The following ARMC3 variants were observed in gnomAD, a reference collection of about 807,000 sequenced individuals.
ARMC3 encodes armadillo repeat containing 3, also known as armadillo repeat-containing protein 3.
In ARMC3, 74 loss-of-function variants were observed where a neutral mutation model predicts 90.3. That is an observed-to-expected ratio of 0.82 (90% confidence interval 0.68 to 0.99). ARMC3 has a LOEUF of 0.99. Ranked by LOEUF, ARMC3 falls within the 50% of genes least tolerant of loss-of-function variation. The probability of loss-of-function intolerance (pLI) is 0.00; values close to 1 mark genes in which losing one functional copy is unlikely to be tolerated. For missense variants in ARMC3, 958 were observed against 1,042.8 expected, an observed-to-expected ratio of 0.92 and a Z score of 1.12; for synonymous variants, 334 against 361.8, an observed-to-expected ratio of 0.92 and a Z score of 0.87.
intron 6 of ARMC3, chr10:22,959,983 A>G (rs1338719880): frequency 5.5e-6 from 2 of 365,298 alleles, no homozygotes; most frequent in Non-Finnish European, 1.1e-5. Flanking sequence ...ATTTGTTGCT[A>G]AAAATCTAGT....
rs544164964 is a variant in ARMC3 at position 22,982,695 on chromosome 10, T to G, written c.1175+995T>G. On this transcript the variant is annotated intron_variant, in intron 10 of 18. Coordinates refer to ENST00000298032, the MANE Select transcript of ARMC3 (RefSeq NM_173081.5). ...ACAGTAAGAATTTATTGAAGGCAGC[T>G]TCCATAAATAAAATAATTATTTGCC... 3.9e-5 allele frequency among the ~76,000 whole-genome samples: 6 copies of G among 152,336 alleles called. No individual in the cohort carries two copies. In the South Asian group the frequency reaches 1.2e-3, roughly 32 times the overall value.
intron 16 of ARMC3, among the ~76,000 whole-genome samples, chr10:23,027,602 T>C (rs1276423859): frequency 6.6e-6 from 1 of 152,198 alleles, no homozygotes; most frequent in Non-Finnish European, 1.5e-5. Context: ...GAGTTTGATT[T>C]TGATGTATCT....
rs150310367 is a variant in ARMC3 at position 22,959,528 on chromosome 10, C to G, written c.491C>G (p.Pro164Arg). ...PLIRLLSSPDPDVKKNSMECI... is the reference protein window; with the variant it reads ...PLIRLLSSPDRDVKKNSMECI... ...ATCAGACTACTGAGTAGCCCTGACC[C>G]GGATGTAAAGAAGAACTCTATGGAA... The change falls in exon 6 of 19, where the codon CCG (proline) becomes CGG (arginine). Residue 164 changes from proline (P) to arginine (R), a missense_variant. Transcript: ENST00000298032. 1 of 1,611,018 alleles carries G rather than the reference C, an allele frequency of 6.2e-7. No homozygotes were observed. The highest frequency in any genetic ancestry group is 1.7e-5 in the Admixed American group (1 of 59,078).
chr10:23,000,430 C>CT (rs1302774747), intron 11 of ARMC3, among the ~76,000 whole-genome samples: 1 of 152,064 alleles, frequency 6.6e-6, no homozygotes, highest in African/African-American at 2.4e-5. Flanking sequence ...CCTTGTCTTC[C>CT]TTTTTTGAAT....
intron 11 of ARMC3, among the ~76,000 whole-genome samples, chr10:22,999,476 A>T (rs942312596): frequency 6.6e-6 from 1 of 152,204 alleles, no homozygotes; most frequent in Admixed American, 6.5e-5. Flanking sequence ...TCACATTTTC[A>T]TGTCACCATG....
chr10:22,989,030 A>C (rs1306568144), intron 10 of ARMC3, among the ~76,000 whole-genome samples: 2 of 152,208 alleles, frequency 1.3e-5, no homozygotes, highest in African/African-American at 4.8e-5. Flanking sequence ...CCATTTTCTA[A>C]CAATGCAAGG....
At chr10:22,955,067 T>G (rs1834874823) in intron 3 of ARMC3, 1 of 152,092 alleles carries the variant, frequency 6.6e-6, no homozygotes, top group African/African-American at 2.4e-5. Context: ...AGAGAGAGGA[T>G]TTTTCCTTTT....
chr10:22,956,346 ATAAATT>A (rs1588840045), intron 4 of ARMC3, among the ~76,000 whole-genome samples: 1 of 152,194 alleles, frequency 6.6e-6, no homozygotes, highest in East Asian at 1.9e-4. Context: ...TTTGCAAAAG[ATAAATT>A]TAAATGTGCG....
intron 13 of ARMC3, among the ~76,000 whole-genome samples, chr10:23,004,296 G>A (rs1179234279): frequency 1.3e-5 from 2 of 152,080 alleles, no homozygotes; most frequent in African/African-American, 4.8e-5. Flanking sequence ...TGAGGAGAAT[G>A]GGGAAAATGT....
intron 4 of ARMC3, among the ~76,000 whole-genome samples, chr10:22,958,634 T>A (rs1835055008): frequency 6.6e-6 from 1 of 152,180 alleles, no homozygotes; most frequent in Non-Finnish European, 1.5e-5. Context: ...CCACTTGCTT[T>A]GTGGTTTTGA....
At chr10:23,002,125 CCCA>C in intron 12 of ARMC3, 70 bp downstream of exon 12, 1 of 1,545,006 alleles carries the variant, frequency 6.5e-7, no homozygotes, top group African/African-American at 1.4e-5. Flanking sequence ...ACTCTTTAGG[CCCA>C]AGGAATTTCA....
intron 7 of ARMC3, among the ~76,000 whole-genome samples, chr10:22,966,034 G>A (rs1054332786): frequency 6.6e-6 from 1 of 152,180 alleles, no homozygotes; most frequent in Non-Finnish European, 1.5e-5. Flanking sequence ...AATGAGCATT[G>A]TAGATAATAC....
At chr10:23,030,568 T>C (rs1445260806) in intron 16 of ARMC3, 28 bp from the exon 17 acceptor site, 2 of 1,591,164 alleles carry the variant, frequency 1.3e-6, no homozygotes, top group African/African-American at 2.7e-5. Context: ...GAAGATGTGA[T>C]TTTGATTGCC....
intron 10 of ARMC3, among the ~76,000 whole-genome samples, chr10:22,994,243 C>T (rs1836849796): frequency 6.6e-6 from 1 of 152,202 alleles, no homozygotes; most frequent in East Asian, 1.9e-4. Context: ...ATGGGAAGAG[C>T]GCAGGGGAGC....
At chr10:23,026,362 A>T (rs565684354) in intron 16 of ARMC3, among the ~76,000 whole-genome samples, 1 of 152,218 alleles carries the variant, frequency 6.6e-6, no homozygotes, top group African/African-American at 2.4e-5. Flanking sequence ...AATCAAATTC[A>T]GCAGTATATA....
chr10:22,951,029 C>G (rs952833729), intron 3 of ARMC3, among the ~76,000 whole-genome samples: 1 of 151,900 alleles, frequency 6.6e-6, no homozygotes, highest in African/African-American at 2.4e-5. Context: ...GCTCCGCCTC[C>G]CGGCTTCACG....
intron 17 of ARMC3, among the ~76,000 whole-genome samples, chr10:23,031,650 C>T (rs147290576): frequency 2.4e-4 from 37 of 152,266 alleles, no homozygotes; most frequent in African/African-American, 8.2e-4. Context: ...ATGGCTCAAG[C>T]GGAACTCTGT....
chr10:22,981,748 A>T, intron 10 of ARMC3, 48 bp downstream of exon 10: 1 of 1,467,216 alleles, frequency 6.8e-7, no homozygotes, highest in Non-Finnish European at 9.5e-7. Flanking sequence ...GACAATTCAC[A>T]GTCCAAGATG....
rs768124092 is a variant in ARMC3, at chr10:23,037,490, G to C, written c.*11G>C. On this transcript the variant is annotated 3_prime_UTR_variant, in exon 19 of 19. Coordinates refer to ENST00000298032, the MANE Select transcript of ARMC3 (RefSeq NM_173081.5). ...TACAGATTCATTTAAGCCATCAGAC[G>C]AACACAAGAGAGGCTCAAACAAGAA... 2.5e-6 allele frequency: 4 copies of C among 1,604,584 alleles called. No homozygotes were observed. Among genetic ancestry groups the C allele is most frequent in the Non-Finnish European group, 3.4e-6 (4 of 1,173,988 alleles).
Sources: allele counts gnomAD v4.1 joint callset (sites outside exome capture counted in the v4.1 genomes callset), GRCh38; gene constraint gnomAD v4.1.1; transcripts MANE v1.5; gene names NCBI Gene and HGNC (gene_info 2026-07-23, HGNC 2026-07-21).